LUC7L3: variants seen among roughly 807,000 people sequenced by gnomAD.
LUC7L3 encodes luc7-like protein 3.
LUC7L3 carries 6 observed loss-of-function variants against 66.8 expected under a neutral mutation model. The observed-to-expected ratio is 0.09, with a 90% CI of 0.05 to 0.18. LUC7L3 has a LOEUF of 0.18. Among genes scored for constraint, LUC7L3 ranks in the 10% least tolerant of loss-of-function variants. The pLI, the probability that LUC7L3 is intolerant of heterozygous loss-of-function variation, is 1.00. For synonymous variants in LUC7L3, 160 were observed against 174.7 expected, an observed-to-expected ratio of 0.92 and a Z score of 0.66; for missense variants, 341 against 531.1, an observed-to-expected ratio of 0.64 and a Z score of 3.52.
intron 9 of LUC7L3, chr17:50,749,237 T>C: frequency 7.8e-7 from 1 of 1,289,208 alleles, no homozygotes; most frequent in Non-Finnish European, 1.0e-6. Flanking sequence ...ATAAGATTAT[T>C]GGACTGACTA....
chr17:50,748,739 C>T (rs1258885901), intron 9 of LUC7L3, among the ~76,000 whole-genome samples: 1 of 152,106 alleles, frequency 6.6e-6, no homozygotes, highest in African/African-American at 2.4e-5. Context: ...AAAACTGTAT[C>T]AGGCTTGTCT....
intron 9 of LUC7L3, among the ~76,000 whole-genome samples, chr17:50,749,765 G>T (rs576920339): frequency 2.0e-5 from 3 of 152,182 alleles, no homozygotes; most frequent in Non-Finnish European, 4.4e-5. Context: ...GCTAGACTAT[G>T]CTTGCTCTGG....
Position 50,741,653 on chromosome 17 carries a change from A to T in LUC7L3, c.352-4A>T. 1 of 1,609,420 alleles carries T rather than the reference A, an allele frequency of 6.2e-7. No individual in the cohort carries two copies. Among genetic ancestry groups the T allele is most frequent in the Non-Finnish European group, 8.5e-7 (1 of 1,175,944 alleles). ...TTGGTAATACGTTTTATTGTCTTCA[A>T]TAGGCCGCTGGCCCAACAGGCAAAA... On this transcript the variant is annotated splice_polypyrimidine_tract_variant and splice_region_variant and intron_variant, in intron 4 of 9. Coordinates refer to ENST00000505658, the MANE Select transcript of LUC7L3 (RefSeq NM_016424.5).
At chr17:50,737,528 T>A (rs1970054617) in intron 2 of LUC7L3, 1 of 267,316 alleles carries the variant, frequency 3.7e-6, no homozygotes, top group African/African-American at 2.3e-5. Flanking sequence ...TGAGAGAGAT[T>A]AGTCTGTAGT....
chr17:50,719,632 T>C lies in LUC7L3; in HGVS notation c.-101T>C, dbSNP rs1377924818. The C allele has an allele frequency of 3.1e-6, 3 of 970,610 alleles. No individual in the cohort carries two copies. In the East Asian group the frequency reaches 8.0e-5, roughly 26 times the overall value. 60.1% of individuals were successfully genotyped at this position (970,610 alleles called of 1,614,324 possible). ...TGTCGGCTCCTGTGTGTAGGAGGGATTTCGGCCTGAGAGCGGGCCGAGGAG... is the reference window on the plus strand; with the variant it reads ...TGTCGGCTCCTGTGTGTAGGAGGGACTTCGGCCTGAGAGCGGGCCGAGGAG... On this transcript the variant is annotated 5_prime_UTR_variant, in exon 1 of 10. Coordinates refer to ENST00000505658, the MANE Select transcript of LUC7L3 (RefSeq NM_016424.5).
intron 6 of LUC7L3, 142 bp downstream of exon 6, chr17:50,743,952 T>TTA: frequency 3.1e-6 from 2 of 636,992 alleles, no homozygotes; most frequent in South Asian, 4.1e-5. Context: ...TGGCATCTAC[T>TTA]AAGCTCTGCC....
intron 2 of LUC7L3, among the ~76,000 whole-genome samples, chr17:50,739,200 A>G (rs962205621): frequency 6.6e-6 from 1 of 152,212 alleles, no homozygotes; most frequent in Non-Finnish European, 1.5e-5. Context: ...CATCAGGACA[A>G]TAATTCTATA....
intron 1 of LUC7L3, among the ~76,000 whole-genome samples, chr17:50,735,087 G>A (rs1274512314): frequency 1.3e-5 from 2 of 151,946 alleles, no homozygotes; most frequent in Non-Finnish European, 2.9e-5. Flanking sequence ...AAAATTGGCC[G>A]GGTGTGGTGG....
rs199895163 is a variant in LUC7L3 at position 50,719,717 on chromosome 17, G to C, written c.-16G>C. The C allele has an allele frequency of 6.2e-7, 1 of 1,603,320 alleles. No homozygotes were observed. The highest frequency in any genetic ancestry group is 1.3e-5 in the African/African-American group (1 of 74,568). On this transcript the variant is annotated 5_prime_UTR_variant, in exon 1 of 10. Coordinates refer to ENST00000505658, the MANE Select transcript of LUC7L3 (RefSeq NM_016424.5). ...GGTGCCTGGGCTGGTGGGAACAGCC[G>C]CCCGAAGGAAGCACCATGATTTCGG... is the stretch of plus-strand genomic sequence containing the variant.
chr17:50,748,109 T>C (rs1203879094), intron 9 of LUC7L3, among the ~76,000 whole-genome samples: 1 of 152,232 alleles, frequency 6.6e-6, no homozygotes, highest in African/African-American at 2.4e-5. Context: ...TTCTGTGTTA[T>C]CATTTGTGCC....
chr17:50,745,839 A>G lies in LUC7L3; in HGVS notation c.813A>G (p.Lys271=). The G allele has an allele frequency of 6.3e-7, 1 of 1,590,306 alleles. No individual in the cohort carries two copies. The highest frequency in any genetic ancestry group is 8.6e-7 in the Non-Finnish European group (1 of 1,162,804). The change falls in exon 8 of 10, where the codon AAA becomes AAG. Residue 271 remains lysine, a synonymous_variant. Transcript: ENST00000505658. The part of the protein sequence containing the change: ...REREREERER[K]RRREEEEREK... ...GAGAAAGGGAAGAAAGAGAAAGGAA[A>G]AGACGAAGGGAAGAGGAAGAAAGAG...
At chr17:50,742,384 A>C (rs901091164) in intron 5 of LUC7L3, among the ~76,000 whole-genome samples, 2 of 151,940 alleles carry the variant, frequency 1.3e-5, no homozygotes, top group African/African-American at 4.8e-5. Context: ...TTTTTTTGAC[A>C]GTCTTGCTTT....
intron 9 of LUC7L3, among the ~76,000 whole-genome samples, chr17:50,747,687 A>T (rs941761416): frequency 8.6e-5 from 13 of 152,042 alleles, no homozygotes; most frequent in African/African-American, 3.1e-4. Context: ...TTTCCTCTAG[A>T]CTCAGCTAGA....
At chr17:50,731,903 C>T (rs1025676146) in intron 1 of LUC7L3, among the ~76,000 whole-genome samples, 2 of 152,070 alleles carry the variant, frequency 1.3e-5, no homozygotes, top group Non-Finnish European at 2.9e-5. Context: ...GAAACCTACC[C>T]CCAGAGTCTG....
intron 1 of LUC7L3, among the ~76,000 whole-genome samples, chr17:50,730,384 G>A (rs1431114218): frequency 6.6e-6 from 1 of 151,904 alleles, no homozygotes; most frequent in Non-Finnish European, 1.5e-5. Context: ...AGCCAGGCAT[G>A]GTGGCAGTTG....
intron 1 of LUC7L3, among the ~76,000 whole-genome samples, chr17:50,735,903 C>T (rs906520716): frequency 8.5e-5 from 13 of 152,200 alleles, no homozygotes; most frequent in African/African-American, 2.2e-4. Flanking sequence ...GAGGCCAAGA[C>T]GGGCAAATCA....
intron 5 of LUC7L3, among the ~76,000 whole-genome samples, 190 bp downstream of exon 5, chr17:50,741,921 CAA>C (rs1390447737): frequency 6.6e-6 from 1 of 152,122 alleles, no homozygotes; most frequent in Admixed American, 6.5e-5. Flanking sequence ...CCAGTCTTTA[CAA>C]AAATTAGCCA....
intron 9 of LUC7L3, among the ~76,000 whole-genome samples, chr17:50,747,062 C>T (rs769740821): frequency 4.0e-5 from 6 of 151,328 alleles, no homozygotes; most frequent in African/African-American, 1.2e-4. Context: ...TTTCATAATA[C>T]GTCTTATAAA....
At chr17:50,743,600 A>G (rs1970486243) in intron 5 of LUC7L3, 106 bp from the exon 6 acceptor site, 1 of 701,688 alleles carries the variant, frequency 1.4e-6, no homozygotes. Flanking sequence ...TGTAAATGAA[A>G]CCAAACAAAA....
Sources: allele counts gnomAD v4.1 joint callset (sites outside exome capture counted in the v4.1 genomes callset), GRCh38; gene constraint gnomAD v4.1.1; transcripts MANE v1.5; gene names NCBI Gene and HGNC (gene_info 2026-07-23, HGNC 2026-07-21).